Variants in KCNQ3 observed in about 807,000 individuals in gnomAD.
KCNQ3 encodes the protein potassium voltage-gated channel subfamily KQT member 3.
A neutral mutation model predicts 92.5 loss-of-function variants in KCNQ3; 30 were observed. The observed-to-expected ratio is 0.32, with a 90% CI of 0.24 to 0.44. The LOEUF (loss-of-function observed/expected upper bound fraction) is 0.44. KCNQ3 is among the 20% of genes least tolerant of loss of function. The probability of loss-of-function intolerance (pLI) is 1.00; values close to 1 mark genes in which losing one functional copy is unlikely to be tolerated. For missense variants in KCNQ3, 913 were observed against 1,140.3 expected, an observed-to-expected ratio of 0.80 and a Z score of 2.87; for synonymous variants, 450 against 468.8, an observed-to-expected ratio of 0.96 and a Z score of 0.52.
intron 1 of KCNQ3, among the ~76,000 whole-genome samples, chr8:132,195,300 T>TA (rs1827271488): frequency 1.3e-5 from 2 of 152,232 alleles, no homozygotes; most frequent in South Asian, 4.1e-4. Flanking sequence ...TTCCATCTCT[T>TA]AATACTATCT....
intron 7 of KCNQ3, among the ~76,000 whole-genome samples, chr8:132,171,492 T>G (rs1826349652): frequency 6.6e-6 from 1 of 152,190 alleles, no homozygotes; most frequent in South Asian, 2.1e-4. Flanking sequence ...GAAACACTTC[T>G]GCCTCTCTCA....
At chr8:132,378,578 C>T (rs749771868) in intron 1 of KCNQ3, among the ~76,000 whole-genome samples, 3 of 152,168 alleles carry the variant, frequency 2.0e-5, no homozygotes, top group Admixed American at 2.0e-4. Context: ...GATACTCTTG[C>T]CTTGCCACTT....
At chr8:132,176,985 G>T (rs984595637) in intron 4 of KCNQ3, among the ~76,000 whole-genome samples, 2 of 152,226 alleles carry the variant, frequency 1.3e-5, no homozygotes, top group Non-Finnish European at 2.9e-5. Flanking sequence ...TGGTGAGCGA[G>T]GTTCTGTGCT....
chr8:132,343,484 G>A (rs1400048521), intron 1 of KCNQ3, among the ~76,000 whole-genome samples: 3 of 152,174 alleles, frequency 2.0e-5, no homozygotes, highest in Admixed American at 6.5e-5. Flanking sequence ...TGAATTTGAC[G>A]TGTATACCCA....
intron 1 of KCNQ3, among the ~76,000 whole-genome samples, chr8:132,310,947 CT>C (rs1159827165): frequency 1.0e-3 from 140 of 140,368 alleles, no homozygotes; most frequent in East Asian, 8.3e-4. Context: ...TTTTTTTTTT[CT>C]TTTTTTTTTT....
chr8:132,431,408 C>A (rs993299958), intron 1 of KCNQ3, among the ~76,000 whole-genome samples: 5 of 152,214 alleles, frequency 3.3e-5, no homozygotes, highest in African/African-American at 1.2e-4. Context: ...CCAGATTCCA[C>A]CTCCTCAGAG....
chr8:132,249,789 G>A (rs1416691485), intron 1 of KCNQ3, among the ~76,000 whole-genome samples: 2 of 152,190 alleles, frequency 1.3e-5, no homozygotes, highest in African/African-American at 4.8e-5. Context: ...TGCAGGTCCT[G>A]AGCCCTGCCC....
chr8:132,438,573 G>A lies in KCNQ3; in HGVS notation c.386+41574C>T, dbSNP rs373083649. Among the ~76,000 whole-genome samples the A allele has an allele frequency of 4.7e-4, 71 of 152,226 alleles. 1 individual carries two copies. The East Asian group carries it at 7.0e-3, about 15-fold the overall frequency. On this transcript the variant is annotated intron_variant, in intron 1 of 14. Coordinates refer to ENST00000388996, the MANE Select transcript of KCNQ3 (RefSeq NM_004519.4). ...GGGAACCCCTGCAACGTGTGGGTGC[G>A]GCTGCTTGGTGATGGACCAGTAACA... is the stretch of plus-strand genomic sequence containing the variant.
At position 132,158,756 on chromosome 8, in the gene KCNQ3, G is replaced by A. The variant is rs181548366; in HGVS notation, c.1262+4712C>T. On this transcript the variant is annotated intron_variant, in intron 9 of 14. Transcript: ENST00000388996. Reference sequence around the variant, plus strand: ...ACCTATCTCTTAGGGTGGTTATGAAGAAGAGTTGTGCTTACAACTATGCCG... The same window carrying A: ...ACCTATCTCTTAGGGTGGTTATGAAAAAGAGTTGTGCTTACAACTATGCCG... Among the ~76,000 whole-genome samples the A allele has an allele frequency of 2.0e-3, 303 of 152,324 alleles. 2 individuals carry two copies. The highest frequency in any genetic ancestry group is 7.1e-3 in the African/African-American group (296 of 41,572).
At chr8:132,177,876 G>A (rs76706098) in intron 4 of KCNQ3, among the ~76,000 whole-genome samples, 4,256 of 152,242 alleles carry the variant, frequency 0.028, 228 homozygotes, top group African/African-American at 0.098. Context: ...CACAGCTTTC[G>A]GGAGGACTCA....
At chr8:132,165,965 T>C (rs1826131475) in intron 8 of KCNQ3, among the ~76,000 whole-genome samples, 2 of 152,216 alleles carry the variant, frequency 1.3e-5, no homozygotes, top group Admixed American at 6.5e-5. Context: ...GACTAGTGCA[T>C]ATAGTCCCCT....
At chr8:132,230,953 T>G (rs1814626991) in intron 1 of KCNQ3, among the ~76,000 whole-genome samples, 1 of 152,158 alleles carries the variant, frequency 6.6e-6, no homozygotes. Flanking sequence ...GTAATTGAGT[T>G]AAAATGAGGT....
At chr8:132,235,236 C>T (rs1460918344) in intron 1 of KCNQ3, among the ~76,000 whole-genome samples, 2 of 150,986 alleles carry the variant, frequency 1.3e-5, no homozygotes, top group African/African-American at 4.9e-5. Context: ...CAGTGGCTCA[C>T]GCTTGTAATC....
At chr8:132,270,679 A>C (rs1816121311) in intron 1 of KCNQ3, among the ~76,000 whole-genome samples, 2 of 152,238 alleles carry the variant, frequency 1.3e-5, no homozygotes, top group Admixed American at 6.5e-5. Context: ...GAGGCCCAGC[A>C]AGTCTGAAAT....
In KCNQ3 at chr8:132,434,221, A is replaced by T. The variant is rs1312460612; in HGVS notation, c.386+45926T>A. ...AGACTCCGTCTCAAAAAAAAAAAAA[A>T]AAAAAATAATAATAATAATAAACAA... On this transcript the variant is annotated intron_variant, in intron 1 of 14. Transcript: ENST00000388996. Among the ~76,000 whole-genome samples the T allele has an allele frequency of 8.4e-4, 127 of 150,984 alleles. 3 individuals are homozygous for T. Among genetic ancestry groups the T allele is most frequent in the South Asian group, 4.2e-4 (2 of 4,814 alleles).
intron 9 of KCNQ3, among the ~76,000 whole-genome samples, chr8:132,153,472 C>A (rs1028985597): frequency 2.6e-5 from 4 of 152,126 alleles, no homozygotes; most frequent in African/African-American, 7.2e-5. Flanking sequence ...AAACTCAATT[C>A]CAAGCTTTGG....
intron 1 of KCNQ3, among the ~76,000 whole-genome samples, chr8:132,320,613 G>T (rs1817869018): frequency 6.6e-6 from 1 of 152,002 alleles, no homozygotes; most frequent in Non-Finnish European, 1.5e-5. Flanking sequence ...GCTATAAACA[G>T]CTCCCACTCT....
chr8:132,320,365 CCTT>C (rs752679224), intron 1 of KCNQ3, among the ~76,000 whole-genome samples: 2 of 152,126 alleles, frequency 1.3e-5, no homozygotes, highest in Non-Finnish European at 2.9e-5. Flanking sequence ...ATGATCTTCA[CCTT>C]CTTATCTGAA....
At chr8:132,338,212 T>A (rs930159026) in intron 1 of KCNQ3, among the ~76,000 whole-genome samples, 1 of 152,160 alleles carries the variant, frequency 6.6e-6, no homozygotes, top group African/African-American at 2.4e-5. Flanking sequence ...AGGAGGACCT[T>A]GGAGGTGAGG....
Sources: allele counts gnomAD v4.1 joint callset (sites outside exome capture counted in the v4.1 genomes callset), GRCh38; gene constraint gnomAD v4.1.1; transcripts MANE v1.5; gene names NCBI Gene and HGNC (gene_info 2026-07-23, HGNC 2026-07-21).